Variants in CD8B2 observed in about 807,000 individuals in gnomAD.
CD8B2 encodes the protein CD8B family member 2.
In CD8B2, 11 loss-of-function variants were observed where a neutral mutation model predicts 23.7. The observed-to-expected ratio is 0.46, with a 90% CI of 0.29 to 0.77. The LOEUF is 0.77. CD8B2 is among the 30% of genes least tolerant of loss of function. CD8B2 has a pLI of 0.09. For synonymous variants in CD8B2, 90 were observed against 109.3 expected, an observed-to-expected ratio of 0.82 and a Z score of 1.10; for missense variants, 197 against 270.5, an observed-to-expected ratio of 0.73 and a Z score of 1.91.
At position 106,508,032 on chromosome 2, in the gene CD8B2, C is replaced by T; in HGVS notation, c.*1092C>T. The T allele has an allele frequency of 6.7e-6, 1 of 149,470 alleles. No homozygotes were observed. Among genetic ancestry groups the T allele is most frequent in the Non-Finnish European group, 1.5e-5 (1 of 67,486 alleles). 9.3% of individuals were successfully genotyped at this position (149,470 alleles called of 1,614,324 possible). A position where few individuals can be genotyped will look rare whatever the true frequency, so the allele number is the denominator to read the frequency against. On this transcript the variant is annotated 3_prime_UTR_variant, in exon 6 of 6. Transcript: ENST00000643224. ...TTTTCTTATTGATTCTTAGCCTTGA[C>T]AGTTGGAGAAGGAAAAAGCAAGGAG... is the stretch of plus-strand genomic sequence containing the variant.
chr2:106,489,952 G>A (rs1573326885), intron 1 of CD8B2, among the ~76,000 whole-genome samples: 1 of 152,156 alleles, frequency 6.6e-6, no homozygotes, highest in East Asian at 1.9e-4. Flanking sequence ...TCATGAATAA[G>A]CCCCTGCTTG....
intron 5 of CD8B2, chr2:106,542,916 A>T (rs1036100886): frequency 6.6e-6 from 1 of 152,002 alleles, no homozygotes; most frequent in African/African-American, 2.4e-5. Context: ...GTCAGGCTAG[A>T]CTCTGCTGCC....
chr2:106,519,901 C>G lies in CD8B2; in HGVS notation c.620+15576C>G, dbSNP rs556823282. Among the ~76,000 whole-genome samples the G allele has an allele frequency of 3.9e-5, 6 of 152,314 alleles. No homozygotes were observed. In the South Asian group the frequency reaches 1.2e-3, roughly 32 times the overall value. Reference sequence around the variant, plus strand: ...GCCCGTGGGCCACAGGTTGGACAAGCTTGGTCTAAGACATATTTTGTGTAC... The same window carrying G: ...GCCCGTGGGCCACAGGTTGGACAAGGTTGGTCTAAGACATATTTTGTGTAC... On this transcript the variant is annotated intron_variant, in intron 5 of 5. Transcript: ENST00000416057.
chr2:106,513,529 G>C (rs1478148779), downstream of CD8B2, among the ~76,000 whole-genome samples: 286 of 150,030 alleles, frequency 1.9e-3, no homozygotes, highest in African/African-American at 6.9e-3. Flanking sequence ...AGGTCTCTGC[G>C]GTTGGGTGAG....
chr2:106,537,014 G>T lies in CD8B2; in HGVS notation c.621-6978G>T, dbSNP rs937185258. ...ACAAGTTGCTGTGTTTCTCCAATAGGACACATCTGTGCTGTTGGCTCTAGG... is the reference window on the plus strand; with the variant it reads ...ACAAGTTGCTGTGTTTCTCCAATAGTACACATCTGTGCTGTTGGCTCTAGG... On this transcript the variant is annotated intron_variant, in intron 5 of 5. Transcript: ENST00000416057. 7.2e-5 allele frequency among the ~76,000 whole-genome samples: 11 copies of T among 152,250 alleles called. 1 individual carries two copies. Among genetic ancestry groups the T allele is most frequent in the Admixed American group, 6.5e-4 (10 of 15,290 alleles).
intron 3 of CD8B2, among the ~76,000 whole-genome samples, chr2:106,497,976 G>A (rs1679330141): frequency 6.6e-6 from 1 of 152,046 alleles, no homozygotes; most frequent in South Asian, 2.1e-4. Context: ...GTGATAGAAA[G>A]AAACAACCTG....
chr2:106,499,369 TAA>T (rs1226273735), intron 3 of CD8B2, among the ~76,000 whole-genome samples: 1 of 151,896 alleles, frequency 6.6e-6, no homozygotes, highest in Non-Finnish European at 1.5e-5. Context: ...CCGTCTCCAC[TAA>T]AAATACAAAA....
At chr2:106,502,191 G>T (rs1366593263) in intron 3 of CD8B2, among the ~76,000 whole-genome samples, 2 of 147,632 alleles carry the variant, frequency 1.4e-5, no homozygotes, top group Non-Finnish European at 3.0e-5. Context: ...AGCTACTCGG[G>T]AGGCTAAGAA....
chr2:106,490,814 C>T (rs181790423), intron 1 of CD8B2, 60 bp from the exon 2 acceptor site: 10 of 1,538,474 alleles, frequency 6.5e-6, no homozygotes, highest in East Asian at 2.3e-5. Context: ...AGTGTGACTG[C>T]GAGGTCCCAC....
chr2:106,540,088 T>C (rs1391368532), intron 5 of CD8B2, among the ~76,000 whole-genome samples: 1 of 152,196 alleles, frequency 6.6e-6, no homozygotes, highest in East Asian at 1.9e-4. Context: ...AGAAATTCAA[T>C]TTTGTTATGT....
chr2:106,511,575 C>T (rs1301684681), downstream of CD8B2, among the ~76,000 whole-genome samples: 1 of 151,956 alleles, frequency 6.6e-6, no homozygotes, highest in Admixed American at 6.6e-5. Context: ...ACCCCCGCCC[C>T]GCAGCTTGTG....
chr2:106,497,008 C>G (rs941941024), intron 3 of CD8B2, among the ~76,000 whole-genome samples: 28 of 152,360 alleles, frequency 1.8e-4, no homozygotes, highest in Admixed American at 4.6e-4. Context: ...GACGTGGTGG[C>G]TCACACCTGT....
At chr2:106,528,888 G>A (rs976576063) in intron 5 of CD8B2, among the ~76,000 whole-genome samples, 39 of 152,310 alleles carry the variant, frequency 2.6e-4, no homozygotes, top group African/African-American at 7.9e-4. Context: ...GAGATTCAGG[G>A]TAGGTTGTGG....
chr2:106,504,464 G>C (rs1679467978), intron 5 of CD8B2, 139 bp downstream of exon 5: 2 of 1,520,736 alleles, frequency 1.3e-6, no homozygotes, highest in South Asian at 1.3e-5. Flanking sequence ...GTGCACACCT[G>C]TAGTCACAGC....
chr2:106,539,469 G>A (rs1402230237), intron 5 of CD8B2, among the ~76,000 whole-genome samples: 2 of 152,100 alleles, frequency 1.3e-5, no homozygotes, highest in East Asian at 3.9e-4. Flanking sequence ...TGATGTACTT[G>A]GGACACAATA....
chr2:106,501,171 T>C (rs1679397517), intron 3 of CD8B2, among the ~76,000 whole-genome samples: 1 of 152,052 alleles, frequency 6.6e-6, no homozygotes, highest in African/African-American at 2.4e-5. Flanking sequence ...AATATACAGG[T>C]TGTTTTCTGC....
At chr2:106,505,131 G>T (rs1308227876) in intron 5 of CD8B2, among the ~76,000 whole-genome samples, 1 of 152,174 alleles carries the variant, frequency 6.6e-6, no homozygotes, top group African/African-American at 2.4e-5. Context: ...GGTCTTTCAT[G>T]AGGCTGTTGG....
chr2:106,519,626 C>T (rs556955350), intron 5 of CD8B2, among the ~76,000 whole-genome samples: 1 of 152,176 alleles, frequency 6.6e-6, no homozygotes, highest in Non-Finnish European at 1.5e-5. Context: ...CGCTGAGACC[C>T]AAACACATGC....
Position 106,491,138 on chromosome 2 carries a change from T to C in CD8B2, c.308T>C (p.Leu103Pro). 6.2e-6 allele frequency: 10 copies of C among 1,613,822 alleles called. No homozygotes were observed. The highest frequency in any genetic ancestry group is 7.6e-6 in the Non-Finnish European group (9 of 1,179,750). Residue 103 changes from leucine to proline, a missense_variant, in exon 2 of 6, where the codon CTC becomes CCC. Around this residue, in one of 3 missense-constraint regions of CD8B2, gnomAD observed 140 missense variants for 164.2 expected, o/e 0.85. Coordinates refer to ENST00000643224, the MANE Select transcript of CD8B2 (RefSeq NM_001349727.2). ...GATGCAAGCCGGTTCATTCTCAATC[T>C]CACAAGCGTGAAGCCGGAGGACAGT... ...FRDASRFILN[L>P]TSVKPEDSGI... is the part of the protein sequence containing the mutation.
Sources: allele counts gnomAD v4.1 joint callset (sites outside exome capture counted in the v4.1 genomes callset), GRCh38; gene constraint gnomAD v4.1.1; regional missense constraint gnomAD v4.1.1; transcripts MANE v1.5; gene names NCBI Gene and HGNC (gene_info 2026-07-23, HGNC 2026-07-21).